SLC28A2: variants seen among roughly 807,000 people sequenced by gnomAD.
SLC28A2 encodes solute carrier family 28 member 2.
In SLC28A2, 69 loss-of-function variants were observed where a neutral mutation model predicts 72.9. The ratio of observed to expected loss-of-function variants is 0.95; its 90% CI spans 0.78 to 1.16. SLC28A2 has a LOEUF of 1.16. Ranked by LOEUF, SLC28A2 falls within the 50% of genes most tolerant of loss-of-function variation. The probability of loss-of-function intolerance (pLI) is 0.00; values close to 1 mark genes in which losing one functional copy is unlikely to be tolerated. For missense variants in SLC28A2, 745 were observed against 791.1 expected, an observed-to-expected ratio of 0.94 and a Z score of 0.70; for synonymous variants, 296 against 294.1, an observed-to-expected ratio of 1.01 and a Z score of -0.07.
rs17215633 is a variant in SLC28A2 at position 45,267,576 on chromosome 15, T to C, written c.1064T>C (p.Phe355Ser). The C allele has an allele frequency of 1.5e-3, 2,442 of 1,614,068 alleles. 49 individuals carry two copies. The African/African-American group carries it at 0.03, about 20-fold the overall frequency. ...ACTGTGCTGGGAGCCTTCATAGCCT[T>C]TGGGGTAGGCATAGTCTGCTTGATC... ...SGTVLGAFIA[F>S]GVDASSLISA... Residue 355 changes from phenylalanine (F) to serine (S), a missense_variant, in exon 11 of 18, where the codon TTT becomes TCT. Phe to Ser is a radical substitution (Grantham distance 155). Coordinates refer to ENST00000347644, the MANE Select transcript of SLC28A2 (RefSeq NM_004212.4).
chr15:45,256,014 A>T (rs1375146840), intron 3 of SLC28A2: 1 of 152,118 alleles, frequency 6.6e-6, no homozygotes, highest in Non-Finnish European at 1.5e-5. Context: ...AAACAAGAAT[A>T]ATATTAGTAC....
In SLC28A2 at chr15:45,263,106, G is replaced by C. The variant is rs1485224272; in HGVS notation, c.308G>C (p.Arg103Thr). Residue 103 changes from arginine to threonine, a missense_variant, in exon 5 of 18, where the codon AGG (arginine) becomes ACG (threonine). Arg to Thr is a moderately conservative substitution (Grantham distance 71). Transcript: ENST00000347644. The part of the protein sequence containing the change: ...LLAACILNFQ[R>T]ALALFVITCL... ...GCAGCTTGCATCTTGAATTTCCAGA[G>C]GGCACTGGCCTTGTTTGTCATCACC... The C allele has an allele frequency of 6.2e-7, 1 of 1,613,896 alleles. No individual in the cohort carries two copies. The highest frequency in any genetic ancestry group is 1.1e-5 in the South Asian group (1 of 91,054).
At chr15:45,272,867 A>G (rs190179076) in intron 17 of SLC28A2, 83 bp downstream of exon 17, 2 of 743,040 alleles carry the variant, frequency 2.7e-6, no homozygotes, top group Non-Finnish European at 4.8e-6. Flanking sequence ...CATAGAGTGT[A>G]TAAGGGCTGT....
chr15:45,274,319 C>T (rs769686041), intron 17 of SLC28A2, among the ~76,000 whole-genome samples: 2 of 151,916 alleles, frequency 1.3e-5, no homozygotes, highest in African/African-American at 2.4e-5. Flanking sequence ...GGCAACATGG[C>T]GAAACCCCAT....
chr15:45,270,214 C>A lies in SLC28A2; in HGVS notation c.1586C>A (p.Thr529Lys), dbSNP rs1006011382. 1 of 1,613,190 alleles carries A rather than the reference C, an allele frequency of 6.2e-7. No homozygotes were observed. Among genetic ancestry groups the A allele is most frequent in the African/African-American group, 1.3e-5 (1 of 74,920 alleles). The stretch of plus-strand genomic sequence containing the variant: ...CCCTAGGTGAGAGCTGAAATCATTA[C>A]AACATTTTCACTCTGTGGATTTGCC... ...QWISVRAEII[T>K]TFSLCGFANL... The change falls in exon 15 of 18, where the codon ACA becomes AAA. Residue 529 changes from threonine (T) to lysine (K), a missense_variant. Thr to Lys is a moderately conservative substitution (Grantham distance 78). Coordinates refer to ENST00000347644, the MANE Select transcript of SLC28A2 (RefSeq NM_004212.4).
rs370401524 is a variant in SLC28A2 at position 45,263,446 on chromosome 15, G to A, written c.446+202G>A. On this transcript the variant is annotated intron_variant, in intron 5 of 17. Transcript: ENST00000347644. ...CCTTGGGTCTCAACATTGCTGGGGG[G>A]CAGGAGGAGTTTAGTTTCAGAGAAG... is the stretch of plus-strand genomic sequence containing the variant. Among the ~76,000 whole-genome samples, 16 of 152,262 alleles carry A rather than the reference G, an allele frequency of 1.1e-4. No individual in the cohort carries two copies. In the East Asian group the frequency reaches 2.5e-3, roughly 24 times the overall value.
chr15:45,276,167 C>T lies in SLC28A2; in HGVS notation c.*654C>T, dbSNP rs1900749821. 1 of 152,104 alleles carries T rather than the reference C, an allele frequency of 6.6e-6. No individual in the cohort carries two copies. Among genetic ancestry groups the T allele is most frequent in the African/African-American group, 2.4e-5 (1 of 41,400 alleles). The allele number at this position is 152,104 out of a possible 1,614,324, so 9.4% of individuals were successfully genotyped here. A position where few individuals can be genotyped will look rare whatever the true frequency, so the allele number is the denominator to read the frequency against. On this transcript the variant is annotated 3_prime_UTR_variant, in exon 18 of 18. Coordinates refer to ENST00000347644, the MANE Select transcript of SLC28A2 (RefSeq NM_004212.4). ...ATGCAGCCATAAAAAATGATGAGCT[C>T]ATGTCCTTTGCAGGGACATGGATGA... is the stretch of plus-strand genomic sequence containing the variant.
Position 45,275,463 on chromosome 15 carries a change from A to T in SLC28A2, c.1927A>T (p.Met643Leu). The T allele has an allele frequency of 6.2e-7, 1 of 1,613,644 alleles. No homozygotes were observed. ...CTGGGAAGATAAGGAGTTCAGTGCT[A>T]TGGCCCTTACTAACTGCTGTGGATT... The part of the protein sequence containing the change: ...GPWEDKEFSA[M>L]ALTNCCGFYN... Residue 643 changes from methionine to leucine, a missense_variant, in exon 18 of 18, where the codon ATG becomes TTG. Transcript: ENST00000347644.
At chr15:45,258,180 G>A (rs1900032748) in intron 3 of SLC28A2, among the ~76,000 whole-genome samples, 1 of 152,110 alleles carries the variant, frequency 6.6e-6, no homozygotes, top group Non-Finnish European at 1.5e-5. Context: ...CCAAGATCAT[G>A]TCATTGCACT....
chr15:45,263,146 T>C lies in SLC28A2; in HGVS notation c.348T>C (p.Phe116=). The change falls in exon 5 of 18, where the codon TTT becomes TTC. Residue 116 remains phenylalanine (F), a synonymous_variant. Coordinates refer to ENST00000347644, the MANE Select transcript of SLC28A2 (RefSeq NM_004212.4). ...TTGTCATCACCTGCTTGGTGATCTTTGTCCTGGTTCACTCGTTTTTGAAAA... is the reference window on the plus strand; with the variant it reads ...TTGTCATCACCTGCTTGGTGATCTTCGTCCTGGTTCACTCGTTTTTGAAAA... ...ALFVITCLVI[F]VLVHSFLKKL... 1 of 1,614,062 alleles carries C rather than the reference T, an allele frequency of 6.2e-7. No homozygotes were observed. The highest frequency in any genetic ancestry group is 8.5e-7 in the Non-Finnish European group (1 of 1,179,934).
At chr15:45,263,755 T>G (rs1900234486) in intron 5 of SLC28A2, 126 bp from the exon 6 acceptor site, 3 of 863,548 alleles carry the variant, frequency 3.5e-6, no homozygotes, top group Non-Finnish European at 5.2e-6. Context: ...GCCACAGCTC[T>G]AACAATGGCA....
chr15:45,267,218 A>T (rs1412996760), intron 10 of SLC28A2, among the ~76,000 whole-genome samples: 2 of 152,252 alleles, frequency 1.3e-5, no homozygotes, highest in African/African-American at 4.8e-5. Context: ...GCATGTATAG[A>T]AACAGGTGAG....
intron 13 of SLC28A2, 34 bp downstream of exon 13, chr15:45,268,412 G>C (rs999445709): frequency 6.5e-7 from 1 of 1,543,956 alleles, no homozygotes; most frequent in African/African-American, 1.4e-5. Flanking sequence ...TGTCCCTCTG[G>C]GATGTGGTTA....
chr15:45,260,182 C>G (rs1304952429), intron 3 of SLC28A2, among the ~76,000 whole-genome samples: 1 of 152,168 alleles, frequency 6.6e-6, no homozygotes, highest in Non-Finnish European at 1.5e-5. Flanking sequence ...TGTAAGAGCA[C>G]CTGGCAGGAG....
intron 4 of SLC28A2, 44 bp downstream of exon 4, chr15:45,262,150 T>A (rs770828627): frequency 7.1e-7 from 1 of 1,417,676 alleles, no homozygotes; most frequent in Non-Finnish European, 1.0e-6. Context: ...ACAGTTATTT[T>A]AGAAATTTGC....
chr15:45,259,582 A>G (rs1204971712), intron 3 of SLC28A2, among the ~76,000 whole-genome samples: 1 of 152,236 alleles, frequency 6.6e-6, no homozygotes, highest in Non-Finnish European at 1.5e-5. Flanking sequence ...TATATAGGCA[A>G]ATCATTTTTA....
chr15:45,265,046 G>A, intron 7 of SLC28A2, 43 bp from the exon 8 acceptor site: 1 of 1,438,734 alleles, frequency 7.0e-7, no homozygotes, highest in Non-Finnish European at 9.8e-7. Flanking sequence ...TGTCCTTTTG[G>A]GTTTCATTCT....
At chr15:45,257,467 T>C (rs182204531) in intron 3 of SLC28A2, among the ~76,000 whole-genome samples, 1 of 152,348 alleles carries the variant, frequency 6.6e-6, no homozygotes, top group African/African-American at 2.4e-5. Flanking sequence ...GCTTTACCCA[T>C]AGTTTATACT....
chr15:45,255,582 A>C (rs1899951596), intron 3 of SLC28A2, among the ~76,000 whole-genome samples: 3 of 152,208 alleles, frequency 2.0e-5, no homozygotes, highest in Admixed American at 2.0e-4. Context: ...TAGATGAAAT[A>C]ATAAATTAAG....
Sources: gnomAD v4.1 joint callset for allele counts (sites outside exome capture counted in the v4.1 genomes callset) on GRCh38, gnomAD v4.1.1 for gene constraint, MANE v1.5 for transcripts, NCBI Gene and HGNC (gene_info 2026-07-23, HGNC 2026-07-21) for gene names.